CAPN14: variants seen among roughly 807,000 people sequenced by gnomAD.
CAPN14 encodes calpain 14, also known as calpain-14.
In CAPN14, 94 loss-of-function variants were observed where a neutral mutation model predicts 101.3. The ratio of observed to expected loss-of-function variants is 0.93; its 90% CI spans 0.79 to 1.10. CAPN14 has a LOEUF of 1.10. Among genes scored for constraint, CAPN14 ranks in the 50% least tolerant of loss-of-function variants. The pLI, the probability that CAPN14 is intolerant of heterozygous loss-of-function variation, is 0.00. For synonymous variants in CAPN14, 338 were observed against 317.9 expected (o/e 1.06, Z -0.67); for missense variants, 837 against 828.4 (o/e 1.01, Z -0.13).
chr2:31,206,572 G>T (rs1682110382), intron 1 of CAPN14, among the ~76,000 whole-genome samples: 2 of 152,130 alleles, frequency 1.3e-5, no homozygotes, highest in Non-Finnish European at 2.9e-5. Flanking sequence ...TCTTTACAAA[G>T]AAATCCTTCC....
intron 6 of CAPN14, 68 bp from the exon 7 acceptor site, chr2:31,199,600 G>A: frequency 1.5e-6 from 2 of 1,307,092 alleles, no homozygotes; most frequent in Non-Finnish European, 2.1e-6. Flanking sequence ...GTCGTGGGAA[G>A]GCTGTTTGGC....
chr2:31,212,674 T>C (rs538860089), intron 1 of CAPN14, among the ~76,000 whole-genome samples: 13 of 152,344 alleles, frequency 8.5e-5, no homozygotes, highest in African/African-American at 3.1e-4. Flanking sequence ...GTCCATTCAG[T>C]GTCTTGAGTC....
intron 2 of CAPN14, among the ~76,000 whole-genome samples, chr2:31,223,542 C>CTTTTTTT (rs35488335): frequency 6.8e-5 from 9 of 132,076 alleles, no homozygotes; most frequent in African/African-American, 1.2e-4. Context: ...TTTTTCTTTT[C>CTTTTTTT]TTTTTTTTTT....
At position 31,189,608 on chromosome 2, in the gene CAPN14, G is replaced by T. The variant is rs948018685; in HGVS notation, c.1288-130C>A. The T allele has an allele frequency of 4.0e-6, 3 of 754,130 alleles. No homozygotes were observed. In the Admixed American group the frequency reaches 6.0e-5, roughly 15 times the overall value. The allele number at this position is 754,130 out of a possible 1,614,324, so 46.7% of individuals were successfully genotyped here. On this transcript the variant is annotated intron_variant, in intron 12 of 21. Transcript: ENST00000403897. ...CTGCCAAATCCAATAGGCCCCAGTG[G>T]AGGATGAAACAAGTGGGGAGGAAAG...
Position 31,193,355 on chromosome 2 carries a change from C to T in CAPN14, c.951-61G>A, listed in dbSNP as rs888483007. On this transcript the variant is annotated intron_variant, in intron 9 of 21. Transcript: ENST00000403897. ...ACCAGATAACGCCTAGTTATCAGGACCCATGGGGAGGGTGAAACGGAGCAG... is the reference window on the plus strand; with the variant it reads ...ACCAGATAACGCCTAGTTATCAGGATCCATGGGGAGGGTGAAACGGAGCAG... 8 of 1,501,038 alleles carry T rather than the reference C, an allele frequency of 5.3e-6. No homozygotes were observed. In the African/African-American group the frequency reaches 9.7e-5, roughly 18 times the overall value. The allele number at this position is 1,501,038 out of a possible 1,614,324, so 93.0% of individuals were successfully genotyped here. A position where few individuals can be genotyped will look rare whatever the true frequency, so the allele number is the denominator to read the frequency against.
chr2:31,187,735 CCCA>C lies in CAPN14; in HGVS notation c.1587+20_1587+22del, dbSNP rs1680974631. ...CTTCGTCCCCTGCTCTTCCTCACCCCCCACCACACCTGTTCAACTAACCTTTTC... is the reference window on the plus strand; with the variant it reads ...CTTCGTCCCCTGCTCTTCCTCACCCCCCACACCTGTTCAACTAACCTTTTC... On this transcript the variant is annotated intron_variant, in intron 15 of 21. Transcript: ENST00000403897. The C allele has an allele frequency of 6.5e-7, 1 of 1,547,158 alleles. No homozygotes were observed. Among genetic ancestry groups the C allele is most frequent in the Non-Finnish European group, 8.7e-7 (1 of 1,143,028 alleles).
At chr2:31,205,154 C>G (rs1682003270) in intron 2 of CAPN14, 69 bp downstream of exon 2, 1 of 1,358,652 alleles carries the variant, frequency 7.4e-7, no homozygotes, top group Non-Finnish European at 1.0e-6. Context: ...TCCCATATAT[C>G]TTAGGCGCAG....
intron 1 of CAPN14, among the ~76,000 whole-genome samples, chr2:31,209,748 G>A (rs969476411): frequency 6.6e-6 from 1 of 152,144 alleles, no homozygotes; most frequent in Non-Finnish European, 1.5e-5. Flanking sequence ...AGGATGACAG[G>A]AGCCAGCTGT....
chr2:31,201,840 G>A (rs908414280), intron 5 of CAPN14, 22 bp downstream of exon 5: 1 of 1,548,952 alleles, frequency 6.5e-7, no homozygotes, highest in Non-Finnish European at 8.7e-7. Flanking sequence ...TGGGAAGGGG[G>A]ATATTTCTGC....
intron 20 of CAPN14, 118 bp from the exon 21 acceptor site, chr2:31,176,760 G>T: frequency 1.1e-6 from 1 of 946,824 alleles, no homozygotes; most frequent in Non-Finnish European, 1.7e-6. Context: ...AGGGAACCCA[G>T]TGTCAGCCTA....
Position 31,205,301 on chromosome 2 carries a change from G to A in CAPN14, c.147C>T (p.Phe49=), listed in dbSNP as rs1257643488. The change falls in exon 2 of 22, where the codon TTC becomes TTT. Residue 49 remains phenylalanine, a synonymous_variant. Transcript: ENST00000403897. The part of the protein sequence containing the change: ...RNGCLFEDTS[F]PATLSSIGSG... ...TGCCGATGGAGCTCAGGGTGGCCGGGAAGCTGGTGTCTTCAAAGAGGCAGC... is the reference window on the plus strand; with the variant it reads ...TGCCGATGGAGCTCAGGGTGGCCGGAAAGCTGGTGTCTTCAAAGAGGCAGC... 35 of 1,550,474 alleles carry A rather than the reference G, an allele frequency of 2.3e-5. No individual in the cohort carries two copies. Among genetic ancestry groups the A allele is most frequent in the Non-Finnish European group, 3.1e-5 (35 of 1,146,992 alleles).
In CAPN14 at chr2:31,192,455, C is replaced by T. The variant is rs539436006; in HGVS notation, c.1115-357G>A. ...CTAGGGGCCTTTGCATTTTAATAGA[C>T]GCAAAACCTTACCTTAAGGTCAGCT... On this transcript the variant is annotated intron_variant, in intron 10 of 21. Transcript: ENST00000403897. Among the ~76,000 whole-genome samples the T allele has an allele frequency of 1.2e-4, 19 of 152,298 alleles. No individual in the cohort carries two copies. In the South Asian group the frequency reaches 2.1e-3, roughly 17 times the overall value.
intron 1 of CAPN14, among the ~76,000 whole-genome samples, chr2:31,227,570 T>G (rs1683062523): frequency 6.6e-6 from 1 of 152,208 alleles, no homozygotes; most frequent in Non-Finnish European, 1.5e-5. Flanking sequence ...ACGTATCAGG[T>G]CCTTGACCTA....
intron 1 of CAPN14, among the ~76,000 whole-genome samples, chr2:31,214,545 G>C (rs1022810465): frequency 6.6e-6 from 1 of 152,142 alleles, no homozygotes; most frequent in Non-Finnish European, 1.5e-5. Flanking sequence ...GGGAGAAGGT[G>C]GGGGAGAAGC....
chr2:31,189,811 G>C (rs376821021), intron 12 of CAPN14: 15 of 468,802 alleles, frequency 3.2e-5, no homozygotes, highest in African/African-American at 2.6e-4. Flanking sequence ...AGACGGGTTA[G>C]GTCATCTGCC....
At chr2:31,224,317 T>C (rs553584831) in intron 2 of CAPN14, among the ~76,000 whole-genome samples, 1 of 152,180 alleles carries the variant, frequency 6.6e-6, no homozygotes, top group Admixed American at 6.5e-5. Flanking sequence ...CATACAAATA[T>C]ATATGTCTGT....
At chr2:31,231,579 A>G (rs943561832) in intron 1 of CAPN14, among the ~76,000 whole-genome samples, 3 of 152,192 alleles carry the variant, frequency 2.0e-5, no homozygotes, top group African/African-American at 7.2e-5. Flanking sequence ...AAACAGATAG[A>G]TTTCAACTAC....
At chr2:31,201,033 A>G (rs1681733392) in intron 5 of CAPN14, among the ~76,000 whole-genome samples, 1 of 152,102 alleles carries the variant, frequency 6.6e-6, no homozygotes, top group African/African-American at 2.4e-5. Flanking sequence ...GCATGTGTCC[A>G]CCACAGGTCC....
At chr2:31,185,447 T>G (rs1369375267) in intron 16 of CAPN14, among the ~76,000 whole-genome samples, 1 of 152,252 alleles carries the variant, frequency 6.6e-6, no homozygotes, top group Non-Finnish European at 1.5e-5. Context: ...AACCCTCTCA[T>G]AGGACTAAAT....
Sources: gnomAD v4.1 joint callset for allele counts (sites outside exome capture counted in the v4.1 genomes callset) on GRCh38, gnomAD v4.1.1 for gene constraint, MANE v1.5 for transcripts, NCBI Gene and HGNC (gene_info 2026-07-23, HGNC 2026-07-21) for gene names.